SDK1: variants seen among roughly 807,000 people sequenced by gnomAD.
SDK1 encodes the protein sidekick cell adhesion molecule 1, also known as protein sidekick-1.
A neutral mutation model predicts 245.5 loss-of-function variants in SDK1; 157 were observed. The ratio of observed to expected loss-of-function variants is 0.64; its 90% confidence interval spans 0.56 to 0.73. The LOEUF (loss-of-function observed/expected upper bound fraction) is 0.73, where lower values mean the gene tolerates loss of function less well. Ranked by LOEUF, SDK1 falls within the 30% of genes least tolerant of loss-of-function variation. The pLI is 0.00. For missense variants in SDK1, 3,583 were observed against 3,002.3 expected, an observed-to-expected ratio of 1.19 and a Z score of -4.52; for synonymous variants, 1,647 against 1,278.5, an observed-to-expected ratio of 1.29 and a Z score of -6.15.
intron 4 of SDK1, among the ~76,000 whole-genome samples, chr7:3,787,486 G>A (rs1010666700): frequency 6.6e-6 from 1 of 151,974 alleles, no homozygotes; most frequent in Non-Finnish European, 1.5e-5. Context: ...GTAAAAAGAG[G>A]TAAATACCAA....
At chr7:3,487,833 C>G (rs1048128955) in intron 1 of SDK1, among the ~76,000 whole-genome samples, 2 of 151,288 alleles carry the variant, frequency 1.3e-5, no homozygotes, top group Admixed American at 6.6e-5. Context: ...AAAATCATAC[C>G]TTAGCATTTA....
At chr7:3,347,623 G>A (rs964399761) in intron 1 of SDK1, among the ~76,000 whole-genome samples, 1 of 152,132 alleles carries the variant, frequency 6.6e-6, no homozygotes, top group Non-Finnish European at 1.5e-5. Flanking sequence ...ATATTTCCCT[G>A]TGGCATGGTT....
At chr7:3,949,243 T>A (rs535788714) in intron 5 of SDK1, among the ~76,000 whole-genome samples, 19 of 152,330 alleles carry the variant, frequency 1.2e-4, no homozygotes, top group Admixed American at 9.8e-4. Context: ...CACCCTCACA[T>A]TATTCAATCA....
chr7:3,344,469 T>A (rs1225295896), intron 1 of SDK1, among the ~76,000 whole-genome samples: 1 of 152,188 alleles, frequency 6.6e-6, no homozygotes, highest in East Asian at 1.9e-4. Context: ...GAGAACAGTT[T>A]CTCTTGCAGT....
intron 5 of SDK1, among the ~76,000 whole-genome samples, chr7:3,830,969 G>C (rs923325551): frequency 6.6e-6 from 1 of 152,140 alleles, no homozygotes; most frequent in African/African-American, 2.4e-5. Context: ...TATAACTTAT[G>C]CATTTTCTTT....
At chr7:3,876,043 T>C (rs1196400276) in intron 5 of SDK1, among the ~76,000 whole-genome samples, 7 of 152,098 alleles carry the variant, frequency 4.6e-5, no homozygotes, top group Admixed American at 3.3e-4. Context: ...GGTGGAAGTA[T>C]GTCATTCCAA....
intron 4 of SDK1, among the ~76,000 whole-genome samples, chr7:3,778,229 C>A (rs879224534): frequency 6.6e-6 from 1 of 151,630 alleles, no homozygotes; most frequent in African/African-American, 2.4e-5. Context: ...TCATTTGAAG[C>A]TGGAGGTTTT....
At chr7:3,308,303 A>G (rs1398534384) in intron 1 of SDK1, among the ~76,000 whole-genome samples, 1 of 152,172 alleles carries the variant, frequency 6.6e-6, no homozygotes, top group Non-Finnish European at 1.5e-5. Context: ...ATGGATGAGA[A>G]TGTTTATATT....
intron 19 of SDK1, among the ~76,000 whole-genome samples, chr7:4,057,342 T>C (rs1779268050): frequency 6.6e-6 from 1 of 151,934 alleles, no homozygotes; most frequent in African/African-American, 2.4e-5. Context: ...CCTGAGTACT[T>C]CTCCTGGGGA....
In SDK1 at chr7:3,423,395, G is replaced by C. The variant is rs926976718; in HGVS notation, c.298+121511G>C. The stretch of plus-strand genomic sequence containing the variant: ...TTTGAGCAGATTGGCTGAGCAGAGA[G>C]AATACAAAGCAGGGCTAATGATTGT... On this transcript the variant is annotated intron_variant, in intron 1 of 44. Coordinates refer to ENST00000404826, the MANE Select transcript of SDK1 (RefSeq NM_152744.4). 5.9e-5 allele frequency among the ~76,000 whole-genome samples: 9 copies of C among 152,314 alleles called. No individual in the cohort carries two copies. The South Asian group carries it at 1.9e-3, about 32-fold the overall frequency.
intron 30 of SDK1, among the ~76,000 whole-genome samples, chr7:4,157,430 GCAAGAGAA>G (rs1780816765): frequency 6.7e-5 from 4 of 59,272 alleles, no homozygotes; most frequent in Admixed American, 3.4e-4. Context: ...GGGAAGGAAG[GCAAGAGAA>G]AAGGAGGGAA....
intron 24 of SDK1, 30 bp from the exon 25 acceptor site, chr7:4,114,007 A>C (rs1783527027): frequency 6.3e-7 from 1 of 1,588,680 alleles, no homozygotes; most frequent in Non-Finnish European, 8.6e-7. Flanking sequence ...CTGAGATGTC[A>C]GCTCATCGCG....
intron 4 of SDK1, among the ~76,000 whole-genome samples, chr7:3,758,912 C>T (rs1016345221): frequency 5.9e-5 from 9 of 152,122 alleles, no homozygotes; most frequent in South Asian, 2.1e-4. Context: ...TAAAAATAAC[C>T]GTGAGTTTCT....
chr7:3,688,263 G>T (rs1007517542), intron 4 of SDK1, among the ~76,000 whole-genome samples: 1 of 152,188 alleles, frequency 6.6e-6, no homozygotes, highest in South Asian at 2.1e-4. Flanking sequence ...ATGAAGTGTA[G>T]ATCCAGGAGG....
At chr7:3,570,371 C>G (rs767142995) in intron 1 of SDK1, among the ~76,000 whole-genome samples, 1 of 152,134 alleles carries the variant, frequency 6.6e-6, no homozygotes, top group Non-Finnish European at 1.5e-5. Context: ...CGCCTCTGAC[C>G]TGACGGGAGG....
At chr7:3,637,174 T>G (rs993391065) in intron 2 of SDK1, among the ~76,000 whole-genome samples, 5 of 152,136 alleles carry the variant, frequency 3.3e-5, no homozygotes, top group Non-Finnish European at 7.4e-5. Flanking sequence ...CTTAGTTCAC[T>G]GCAACCTCCG....
intron 40 of SDK1, among the ~76,000 whole-genome samples, chr7:4,229,885 T>C (rs979572021): frequency 6.6e-6 from 1 of 151,986 alleles, no homozygotes; most frequent in African/African-American, 2.4e-5. Flanking sequence ...TAGTGGTGGT[T>C]ATTATTTATT....
At chr7:3,302,070 C>A (rs569861635) in intron 1 of SDK1, among the ~76,000 whole-genome samples, 186 bp downstream of exon 1, 1 of 152,024 alleles carries the variant, frequency 6.6e-6, no homozygotes, top group Non-Finnish European at 1.5e-5. Flanking sequence ...AACGGAGCCC[C>A]GTAGAGCCTG....
At chr7:3,652,088 T>C (rs1193118593) in intron 4 of SDK1, among the ~76,000 whole-genome samples, 1 of 152,146 alleles carries the variant, frequency 6.6e-6, no homozygotes, top group African/African-American at 2.4e-5. Context: ...TTAGGAAATA[T>C]TTAGTAATTG....
Sources: allele counts gnomAD v4.1 joint callset (sites outside exome capture counted in the v4.1 genomes callset), GRCh38; gene constraint gnomAD v4.1.1; transcripts MANE v1.5; gene names NCBI Gene and HGNC (gene_info 2026-07-23, HGNC 2026-07-21).